Variants in KRT8 observed in about 807,000 individuals in gnomAD.
The protein encoded by KRT8 is keratin 8, also known as keratin, type II cytoskeletal 8.
In KRT8, 24 loss-of-function variants were observed where a neutral mutation model predicts 43.0. The observed-to-expected ratio is 0.56, with a 90% CI of 0.40 to 0.78. The LOEUF (loss-of-function observed/expected upper bound fraction) is 0.78, where lower values mean the gene tolerates loss of function less well. Among genes scored for constraint, KRT8 ranks in the 30% least tolerant of loss-of-function variants. The probability of loss-of-function intolerance (pLI) is 0.00; values close to 1 mark genes in which losing one functional copy is unlikely to be tolerated. For missense variants in KRT8, 492 were observed against 638.4 expected, an observed-to-expected ratio of 0.77 and a Z score of 2.47; for synonymous variants, 214 against 261.2, an observed-to-expected ratio of 0.82 and a Z score of 1.74.
intron 2 of KRT8, among the ~76,000 whole-genome samples, chr12:52,912,076 T>A (rs970858250): frequency 6.6e-6 from 1 of 152,226 alleles, no homozygotes; most frequent in Non-Finnish European, 1.5e-5. Context: ...AAAAGTGGTC[T>A]GGCAGTTTAA....
At chr12:52,910,622 T>C (rs77264486), upstream of KRT8, among the ~76,000 whole-genome samples, 3,523 of 152,216 alleles carry the variant, frequency 0.023, 72 homozygotes, top group Admixed American at 0.051. Context: ...GTGGAAGTTA[T>C]TGAGAGGATT....
At chr12:52,918,156 GGAAGAA>G (rs751825750) in intron 2 of KRT8, among the ~76,000 whole-genome samples, 5,247 of 66,932 alleles carry the variant, frequency 0.078, 346 homozygotes, top group Middle Eastern at 0.13. Flanking sequence ...AGGGAGAAGG[GGAAGAA>G]GAAGAAGAAG....
At chr12:52,900,135 C>G in intron 4 of KRT8, 70 bp from the exon 5 acceptor site, 4 of 1,522,832 alleles carry the variant, frequency 2.6e-6, no homozygotes, top group Non-Finnish European at 3.6e-6. Context: ...CCACAACAGC[C>G]TTTCTTAGGG....
chr12:52,936,728 T>G (rs1942175588), intron 2 of KRT8, among the ~76,000 whole-genome samples: 1 of 152,188 alleles, frequency 6.6e-6, no homozygotes, highest in Non-Finnish European at 1.5e-5. Flanking sequence ...TTGGTCAGGC[T>G]GGTCTTGAAC....
At chr12:52,917,277 C>G (rs941302449) in intron 2 of KRT8, among the ~76,000 whole-genome samples, 9 of 151,926 alleles carry the variant, frequency 5.9e-5, no homozygotes, top group African/African-American at 1.5e-4. Flanking sequence ...TGGTGCACAC[C>G]TGTAATCCCA....
intron 2 of KRT8, among the ~76,000 whole-genome samples, chr12:52,945,625 C>A (rs1437777361): frequency 1.3e-5 from 2 of 152,174 alleles, no homozygotes; most frequent in Admixed American, 1.3e-4. Context: ...AGAGCTGACC[C>A]ACCCCTATCG....
intron 2 of KRT8, among the ~76,000 whole-genome samples, chr12:52,918,753 C>G (rs1941828290): frequency 6.6e-6 from 1 of 152,202 alleles, no homozygotes; most frequent in Non-Finnish European, 1.5e-5. Flanking sequence ...CTCACCAACC[C>G]TCCCTGCTTG....
exon 1 of KRT8, chr12:52,949,798 G>T: frequency 1.4e-6 from 1 of 710,294 alleles, no homozygotes. Flanking sequence ...GGAGAGAGGG[G>T]GAAGGGGACA....
chr12:52,926,332 G>GGCCACCCC, intron 2 of KRT8: 6 of 600,270 alleles, frequency 1.0e-5, no homozygotes, highest in East Asian at 6.6e-5. Context: ...GGCACTAGCT[G>GGCCACCCC]CCCTCCCCAC....
At chr12:52,916,004 G>A (rs965000872) in intron 2 of KRT8, among the ~76,000 whole-genome samples, 1 of 152,192 alleles carries the variant, frequency 6.6e-6, no homozygotes, top group Non-Finnish European at 1.5e-5. Flanking sequence ...ATCAAGCTGA[G>A]CTTAGGAAAG....
chr12:52,933,609 A>T (rs1432058222), intron 2 of KRT8, among the ~76,000 whole-genome samples: 2 of 151,984 alleles, frequency 1.3e-5, no homozygotes, highest in Non-Finnish European at 2.9e-5. Context: ...TAACCAAAAC[A>T]ATTTTTTTTA....
chr12:52,926,348 C>A (rs1188077147), intron 2 of KRT8: 2 of 1,152,704 alleles, frequency 1.7e-6, no homozygotes, highest in South Asian at 1.3e-5. Flanking sequence ...CCCACCCCAC[C>A]CCCAGGACTG....
At chr12:52,918,132 AGGGGGAGAGGGAGAGGGAGAAGGG>A (rs1309422687) in intron 2 of KRT8, among the ~76,000 whole-genome samples, 2 of 144,670 alleles carry the variant, frequency 1.4e-5, no homozygotes, top group Middle Eastern at 3.4e-3. Context: ...AAGAAGAAGG[AGGGGGAGAGGGAGAGGGAGAAGGG>A]GAAGAAGAAG....
chr12:52,942,376 T>C (rs1942281768), intron 2 of KRT8, among the ~76,000 whole-genome samples: 1 of 152,182 alleles, frequency 6.6e-6, no homozygotes, highest in South Asian at 2.1e-4. Context: ...CTGAGATCTG[T>C]CCAACTCCAA....
At chr12:52,909,355 A>T (rs1385543347), upstream of KRT8, among the ~76,000 whole-genome samples, 1 of 152,256 alleles carries the variant, frequency 6.6e-6, no homozygotes, top group Non-Finnish European at 1.5e-5. Flanking sequence ...TATTATTGGT[A>T]TAGAAATAGC....
At chr12:52,933,610 AT>A (rs1040287626) in intron 2 of KRT8, among the ~76,000 whole-genome samples, 4 of 151,928 alleles carry the variant, frequency 2.6e-5, no homozygotes, top group East Asian at 1.9e-4. Context: ...AACCAAAACA[AT>A]TTTTTTTATT....
intron 1 of KRT8, 155 bp from the exon 2 acceptor site, chr12:52,902,227 A>C (rs1459486013): frequency 1.9e-5 from 12 of 634,296 alleles, no homozygotes. Context: ...ATCACCTATG[A>C]CCAGGGGGAG....
chr12:52,920,326 G>A (rs181620239), intron 2 of KRT8, among the ~76,000 whole-genome samples: 7 of 152,056 alleles, frequency 4.6e-5, no homozygotes, highest in Admixed American at 2.0e-4. Flanking sequence ...GCCCAGGCAC[G>A]GTGGCTCACG....
chr12:52,921,209 A>G (rs1275520131), intron 2 of KRT8, among the ~76,000 whole-genome samples: 1 of 152,168 alleles, frequency 6.6e-6, no homozygotes, highest in Non-Finnish European at 1.5e-5. Context: ...GGCAGAGGCC[A>G]TCTATTCCCC....
Sources: gnomAD v4.1 joint callset for allele counts (sites outside exome capture counted in the v4.1 genomes callset) on GRCh38, gnomAD v4.1.1 for gene constraint, MANE v1.5 for transcripts, NCBI Gene and HGNC (gene_info 2026-07-23, HGNC 2026-07-21) for gene names.